GRID2: variants seen among roughly 807,000 people sequenced by gnomAD.
The protein encoded by GRID2 is glutamate ionotropic receptor delta type subunit 2.
GRID2 carries 33 observed loss-of-function variants against 114.8 expected under a neutral mutation model. The ratio of observed to expected loss-of-function variants is 0.29; its 90% confidence interval spans 0.22 to 0.38. The LOEUF (loss-of-function observed/expected upper bound fraction) is 0.38, where lower values mean the gene tolerates loss of function less well. Among genes scored for constraint, GRID2 ranks in the 10% least tolerant of loss-of-function variants. GRID2 has a pLI of 1.00. For missense variants in GRID2, 1,184 were observed against 1,257.7 expected (o/e 0.94, Z 0.89); for synonymous variants, 505 against 449.9 (o/e 1.12, Z -1.55).
chr4:93,323,563 G>GT (rs1560499017), intron 8 of GRID2, among the ~76,000 whole-genome samples: 4 of 152,120 alleles, frequency 2.6e-5, no homozygotes, highest in African/African-American at 7.2e-5. Context: ...CTTTAAAGTA[G>GT]TTTTTTCTAA....
At chr4:92,464,466 C>G (rs1579410903) in intron 1 of GRID2, among the ~76,000 whole-genome samples, 1 of 152,146 alleles carries the variant, frequency 6.6e-6, no homozygotes, top group East Asian at 1.9e-4. Flanking sequence ...GCTCTACCCA[C>G]TTTAGAGTAG....
chr4:93,009,103 G>GT (rs201326458), intron 2 of GRID2, among the ~76,000 whole-genome samples: 2,232 of 152,184 alleles, frequency 0.015, 24 homozygotes, highest in Admixed American at 0.023. Flanking sequence ...ACAAAGAAAT[G>GT]TTTTTAACTT....
chr4:92,584,866 C>T (rs779847614), intron 1 of GRID2, among the ~76,000 whole-genome samples: 22 of 151,986 alleles, frequency 1.4e-4, no homozygotes, highest in Non-Finnish European at 2.6e-4. Flanking sequence ...TAACCTTTGG[C>T]TGTGTAATTT....
At chr4:92,375,278 A>G (rs931919608) in intron 1 of GRID2, among the ~76,000 whole-genome samples, 1 of 152,190 alleles carries the variant, frequency 6.6e-6, no homozygotes, top group African/African-American at 2.4e-5. Context: ...TCATGAAACC[A>G]TAGAATTTTT....
intron 8 of GRID2, among the ~76,000 whole-genome samples, chr4:93,342,841 T>C (rs1433663): frequency 0.64 from 97,754 of 151,956 alleles, 31,673 homozygotes; most frequent in East Asian, 0.74. Context: ...TCAGATTTTT[T>C]CAGGCTGACC....
intron 9 of GRID2, among the ~76,000 whole-genome samples, chr4:93,411,930 A>G (rs1002848342): frequency 1.3e-5 from 2 of 151,462 alleles, no homozygotes; most frequent in African/African-American, 4.9e-5. Flanking sequence ...GATATTTTTG[A>G]ATCTCTCTAT....
chr4:93,695,895 G>T (rs566268508), intron 14 of GRID2, among the ~76,000 whole-genome samples: 1 of 152,152 alleles, frequency 6.6e-6, no homozygotes, highest in African/African-American at 2.4e-5. Flanking sequence ...ATTTGAAAAT[G>T]CTCTGTAATT....
At chr4:93,543,515 C>T (rs1732864969) in intron 13 of GRID2, among the ~76,000 whole-genome samples, 1 of 152,064 alleles carries the variant, frequency 6.6e-6, no homozygotes, top group Non-Finnish European at 1.5e-5. Flanking sequence ...GGATTGTCAG[C>T]ATGAATGAGT....
At chr4:92,476,862 C>A (rs920182834) in intron 1 of GRID2, among the ~76,000 whole-genome samples, 3 of 151,908 alleles carry the variant, frequency 2.0e-5, no homozygotes, top group Non-Finnish European at 4.4e-5. Flanking sequence ...CATTTAGGAA[C>A]GAAAATGTGA....
chr4:93,039,048 GCAAAAACTTGGAAC>G (rs1725228024), intron 2 of GRID2, among the ~76,000 whole-genome samples: 1 of 152,134 alleles, frequency 6.6e-6, no homozygotes, highest in South Asian at 2.1e-4. Flanking sequence ...ATTCACAATA[GCAAAAACTTGGAAC>G]CAACCCAAAT....
intron 2 of GRID2, among the ~76,000 whole-genome samples, chr4:92,887,646 C>T (rs1244913683): frequency 6.6e-6 from 1 of 152,152 alleles, no homozygotes; most frequent in African/African-American, 2.4e-5. Flanking sequence ...AGGTCTACTG[C>T]AAAGTAGAGT....
chr4:93,478,384 T>C (rs1369757421), intron 11 of GRID2, among the ~76,000 whole-genome samples: 1 of 152,040 alleles, frequency 6.6e-6, no homozygotes, highest in Non-Finnish European at 1.5e-5. Context: ...TCTGGTAAAA[T>C]AAACTTAACT....
At chr4:93,142,266 G>A (rs1735843648) in intron 4 of GRID2, among the ~76,000 whole-genome samples, 1 of 152,104 alleles carries the variant, frequency 6.6e-6, no homozygotes, top group East Asian at 1.9e-4. Context: ...TTGTTTCATT[G>A]AGAGATGTAT....
intron 2 of GRID2, among the ~76,000 whole-genome samples, chr4:92,836,443 G>A (rs1742466231): frequency 6.6e-6 from 1 of 152,064 alleles, no homozygotes; most frequent in Non-Finnish European, 1.5e-5. Flanking sequence ...CATATGACAA[G>A]CTGAATGGAT....
exon 2 of GRID2, chr4:93,807,355 C>T (rs1026460930): frequency 5.9e-5 from 9 of 152,240 alleles, no homozygotes; most frequent in South Asian, 4.1e-4. Flanking sequence ...TCTTCTAATG[C>T]TTATTGAATC....
chr4:93,664,148 A>G (rs916552067), intron 14 of GRID2, among the ~76,000 whole-genome samples: 4 of 152,228 alleles, frequency 2.6e-5, no homozygotes, highest in African/African-American at 9.6e-5. Context: ...ACAGCAGTGC[A>G]AAGGCCCTGA....
At chr4:92,788,589 T>A (rs1390783283) in intron 2 of GRID2, among the ~76,000 whole-genome samples, 1 of 151,932 alleles carries the variant, frequency 6.6e-6, no homozygotes, top group Admixed American at 6.6e-5. Context: ...ATCCACATCC[T>A]CATCAATACT....
Position 93,765,294 on chromosome 4 carries a change from A to G in GRID2, c.2361-3916A>G, listed in dbSNP as rs149188338. Among the ~76,000 whole-genome samples, 683 of 152,238 alleles carry G rather than the reference A, an allele frequency of 4.5e-3. 2 individuals carry two copies. The highest frequency in any genetic ancestry group is 6.8e-3 in the Middle Eastern group (2 of 294). ...CATTCCCTTCCAACACTTGTAGCCC[A>G]TGCCAGCCTGTATTCCTGGAATCTG... On this transcript the variant is annotated intron_variant, in intron 14 of 15. Coordinates refer to ENST00000282020, the MANE Select transcript of GRID2 (RefSeq NM_001510.4).
intron 9 of GRID2, among the ~76,000 whole-genome samples, chr4:93,418,251 C>T (rs1767917134): frequency 6.6e-6 from 1 of 151,850 alleles, no homozygotes; most frequent in African/African-American, 2.4e-5. Context: ...TGTTCCTCCT[C>T]TATTTATTCT....
Sources: allele counts gnomAD v4.1 joint callset (sites outside exome capture counted in the v4.1 genomes callset), GRCh38; gene constraint gnomAD v4.1.1; transcripts MANE v1.5; gene names NCBI Gene and HGNC (gene_info 2026-07-23, HGNC 2026-07-21).